KIAA0319L: variants seen among roughly 807,000 people sequenced by gnomAD.
KIAA0319L encodes dyslexia-associated protein KIAA0319-like protein.
KIAA0319L carries 55 observed loss-of-function variants against 120.1 expected under a neutral mutation model. The observed-to-expected ratio is 0.46, with a 90% CI of 0.37 to 0.57. The LOEUF is 0.57. Ranked by LOEUF, KIAA0319L falls within the 20% of genes least tolerant of loss-of-function variation. The pLI, the probability that KIAA0319L is intolerant of heterozygous loss-of-function variation, is 0.00. For missense variants in KIAA0319L, 1,049 were observed against 1,255.3 expected, an observed-to-expected ratio of 0.84 and a Z score of 2.48; for synonymous variants, 398 against 471.9, an observed-to-expected ratio of 0.84 and a Z score of 2.03.
intron 2 of KIAA0319L, chr1:35,511,128 G>C (rs2148414110): frequency 6.5e-6 from 1 of 152,720 alleles, no homozygotes; most frequent in Middle Eastern, 3.4e-3. Context: ...TTCAGGTATA[G>C]AAAGATTTGC....
intron 2 of KIAA0319L, among the ~76,000 whole-genome samples, chr1:35,507,558 T>C (rs1199928032): frequency 6.6e-6 from 1 of 152,048 alleles, no homozygotes; most frequent in Non-Finnish European, 1.5e-5. Flanking sequence ...TCAGGGACAA[T>C]GTGAGAACTG....
At chr1:35,466,006 A>C (rs928562516) in intron 7 of KIAA0319L, among the ~76,000 whole-genome samples, 8 of 152,204 alleles carry the variant, frequency 5.3e-5, no homozygotes, top group South Asian at 2.1e-4. Flanking sequence ...TAAATTGCCC[A>C]GTCTCAGGTA....
In KIAA0319L at chr1:35,540,900, T is replaced by C. The variant is rs540872156; in HGVS notation, c.142+13450A>G. Among the ~76,000 whole-genome samples the C allele has an allele frequency of 2.0e-5, 3 of 152,258 alleles. No homozygotes were observed. The South Asian group carries it at 6.2e-4, about 32-fold the overall frequency. ...AGGTATTAACAGACTGCAAGCTTCATGAGGGCAGAAACCGTATCTGTCTTG... is the reference window on the plus strand; with the variant it reads ...AGGTATTAACAGACTGCAAGCTTCACGAGGGCAGAAACCGTATCTGTCTTG... On this transcript the variant is annotated intron_variant, in intron 2 of 20. Coordinates refer to ENST00000325722, the MANE Select transcript of KIAA0319L (RefSeq NM_024874.5).
intron 2 of KIAA0319L, among the ~76,000 whole-genome samples, chr1:35,524,966 C>A (rs986838181): frequency 1.3e-5 from 2 of 152,096 alleles, no homozygotes; most frequent in African/African-American, 4.8e-5. Flanking sequence ...TGTGTATATA[C>A]TCATTAATTA....
intron 2 of KIAA0319L, among the ~76,000 whole-genome samples, chr1:35,533,888 A>G (rs1195848926): frequency 6.6e-6 from 1 of 151,830 alleles, no homozygotes; most frequent in African/African-American, 2.4e-5. Context: ...CCCACTAATA[A>G]ACAAATACAA....
chr1:35,483,824 T>C (rs1403104657), intron 3 of KIAA0319L, among the ~76,000 whole-genome samples: 2 of 152,212 alleles, frequency 1.3e-5, no homozygotes, highest in Non-Finnish European at 2.9e-5. Flanking sequence ...GCCAGAAGTC[T>C]GAAATCAAGG....
chr1:35,463,203 G>A (rs1318244667), intron 7 of KIAA0319L, among the ~76,000 whole-genome samples: 1 of 152,158 alleles, frequency 6.6e-6, no homozygotes, highest in Non-Finnish European at 1.5e-5. Context: ...CACCACACAG[G>A]AGAGTCACAA....
chr1:35,464,163 A>G (rs1558355646), intron 7 of KIAA0319L, among the ~76,000 whole-genome samples: 2 of 152,184 alleles, frequency 1.3e-5, no homozygotes, highest in Non-Finnish European at 2.9e-5. Context: ...TGTGGAAGCA[A>G]CTTTGCAACT....
chr1:35,449,698 A>G (rs1273263172), intron 15 of KIAA0319L, among the ~76,000 whole-genome samples, 169 bp downstream of exon 15: 1 of 152,154 alleles, frequency 6.6e-6, no homozygotes, highest in African/African-American at 2.4e-5. Flanking sequence ...AGGAGGTATT[A>G]TTGGAACAGA....
At chr1:35,479,538 A>C (rs935058981) in intron 3 of KIAA0319L, among the ~76,000 whole-genome samples, 1 of 152,166 alleles carries the variant, frequency 6.6e-6, no homozygotes, top group Non-Finnish European at 1.5e-5. Flanking sequence ...AGCACCTATT[A>C]CAAAATAGCC....
At chr1:35,534,880 A>AAG (rs1558626732) in intron 2 of KIAA0319L, among the ~76,000 whole-genome samples, 2 of 137,008 alleles carry the variant, frequency 1.5e-5, no homozygotes, top group East Asian at 2.5e-4. Flanking sequence ...AAAAAAAAAA[A>AAG]AAAGAAAGAA....
intron 2 of KIAA0319L, among the ~76,000 whole-genome samples, chr1:35,507,600 A>G (rs925278925): frequency 2.0e-5 from 3 of 152,138 alleles, no homozygotes; most frequent in Non-Finnish European, 4.4e-5. Flanking sequence ...CAATGTGAGA[A>G]CTGTGGGACC....
intron 4 of KIAA0319L, among the ~76,000 whole-genome samples, chr1:35,477,137 T>G (rs1386538878): frequency 3.3e-5 from 5 of 151,930 alleles, no homozygotes; most frequent in Admixed American, 2.0e-4. Flanking sequence ...ATCAACAAAG[T>G]GAAGAGACAA....
chr1:35,456,359 C>G, intron 9 of KIAA0319L, 118 bp from the exon 10 acceptor site: 1 of 641,220 alleles, frequency 1.6e-6, no homozygotes. Context: ...CCTATTCTTA[C>G]CCACTTCTAT....
At chr1:35,452,822 T>A (rs1194471540) in intron 12 of KIAA0319L, among the ~76,000 whole-genome samples, 1 of 148,136 alleles carries the variant, frequency 6.8e-6, no homozygotes, top group Non-Finnish European at 1.5e-5. Context: ...TCCAATGCCT[T>A]TGTCAAACAA....
rs978809929 is a variant in KIAA0319L, at chr1:35,434,748, G to C, written c.*146C>G. ...TGAGGGGTTCCTGGAGGACGTCTCTGGATTCAAGTCCCAGGGGTTCTGGTT... is the reference window on the plus strand; with the variant it reads ...TGAGGGGTTCCTGGAGGACGTCTCTCGATTCAAGTCCCAGGGGTTCTGGTT... On this transcript the variant is annotated 3_prime_UTR_variant, in exon 21 of 21. Transcript: ENST00000325722. 2.8e-5 allele frequency: 18 copies of C among 641,570 alleles called. No individual in the cohort carries two copies. In the African/African-American group the frequency reaches 3.0e-4, roughly 11 times the overall value. 39.7% of individuals were successfully genotyped at this position (641,570 alleles called of 1,614,324 possible). A position where few individuals can be genotyped will look rare whatever the true frequency, so the allele number is the denominator to read the frequency against.
At chr1:35,513,916 G>A (rs1041593303) in intron 2 of KIAA0319L, among the ~76,000 whole-genome samples, 1 of 152,072 alleles carries the variant, frequency 6.6e-6, no homozygotes, top group Non-Finnish European at 1.5e-5. Context: ...CAAAACATAG[G>A]AGAATTACCA....
At chr1:35,497,237 CA>C (rs377319886) in intron 3 of KIAA0319L, among the ~76,000 whole-genome samples, 9,570 of 113,440 alleles carry the variant, frequency 0.084, 669 homozygotes, top group African/African-American at 0.21. Context: ...AGGAAAAAGA[CA>C]AAAAAAAAAA....
At chr1:35,442,204 G>A (rs1201939250) in intron 19 of KIAA0319L, 42 bp downstream of exon 19, 2 of 1,460,600 alleles carry the variant, frequency 1.4e-6, no homozygotes, top group Middle Eastern at 1.7e-4. Flanking sequence ...ACGAATGTAT[G>A]ACAAGAAGCC....
Sources: gnomAD v4.1 joint callset for allele counts (sites outside exome capture counted in the v4.1 genomes callset) on GRCh38, gnomAD v4.1.1 for gene constraint, MANE v1.5 for transcripts, NCBI Gene and HGNC (gene_info 2026-07-23, HGNC 2026-07-21) for gene names.